EPN1: variants seen among roughly 807,000 people sequenced by gnomAD.
The protein encoded by EPN1 is epsin-1.
A neutral mutation model predicts 56.9 loss-of-function variants in EPN1; 25 were observed. The ratio of observed to expected loss-of-function variants is 0.44; its 90% CI spans 0.32 to 0.61. The LOEUF is 0.61. EPN1 is among the 20% of genes least tolerant of loss of function. The pLI is 0.05. For synonymous variants in EPN1, 411 were observed against 361.8 expected (o/e 1.14, Z -1.54); for missense variants, 785 against 823.7 (o/e 0.95, Z 0.58).
In EPN1 at chr19:55,709,220, T is replaced by C. The variant is rs1987595889; in HGVS notation, c.*13864T>C. On this transcript the variant is annotated 3_prime_UTR_variant, in exon 11 of 11. Transcript: ENST00000270460. ...TCTTTCCTATAGGATAGGAAGCCTC[T>C]GATTTATACCATAAAGTGAAATTTC... 1 of 435,246 alleles carries C rather than the reference T, an allele frequency of 2.3e-6. No individual in the cohort carries two copies. Among genetic ancestry groups the C allele is most frequent in the African/African-American group, 2.1e-5 (1 of 48,522 alleles). 27.0% of individuals were successfully genotyped at this position (435,246 alleles called of 1,614,324 possible).
rs1408095786 is a variant in EPN1, at chr19:55,677,908, T to C, written c.-101-619T>C. Among the ~76,000 whole-genome samples, 3 of 152,248 alleles carry C rather than the reference T, an allele frequency of 2.0e-5. No homozygotes were observed. The East Asian group carries it at 5.8e-4, about 29-fold the overall frequency. On this transcript the variant is annotated intron_variant, in intron 1 of 10. Coordinates refer to ENST00000270460, the MANE Select transcript of EPN1 (RefSeq NM_001130072.2). Reference sequence around the variant, plus strand: ...TACTGAATGGTTTTTCTGGGCCAGCTTCTTTGCTGGGAAAAGCCACATGCA... The same window carrying C: ...TACTGAATGGTTTTTCTGGGCCAGCCTCTTTGCTGGGAAAAGCCACATGCA...
At position 55,709,531 on chromosome 19, in the gene EPN1, A is replaced by C. The variant is rs1987616778; in HGVS notation, c.*14175A>C. On this transcript the variant is annotated 3_prime_UTR_variant, in exon 11 of 11. Transcript: ENST00000270460. Reference sequence around the variant, plus strand: ...TAATTAAAGCACATGCTACACCCATAAATATGTCAAACGTTCTTGTCTGTT... The same window carrying C: ...TAATTAAAGCACATGCTACACCCATCAATATGTCAAACGTTCTTGTCTGTT... The C allele has an allele frequency of 6.6e-6, 1 of 152,290 alleles. No homozygotes were observed. Among genetic ancestry groups the C allele is most frequent in the Non-Finnish European group, 1.5e-5 (1 of 68,104 alleles). The allele number at this position is 152,290 out of a possible 1,614,324, so 9.4% of individuals were successfully genotyped here. A position where few individuals can be genotyped will look rare whatever the true frequency, so the allele number is the denominator to read the frequency against.
At chr19:55,687,047 C>T (rs1333852494) in intron 3 of EPN1, among the ~76,000 whole-genome samples, 1 of 152,166 alleles carries the variant, frequency 6.6e-6, no homozygotes, top group Non-Finnish European at 1.5e-5. Context: ...CCCTCCGACA[C>T]TCACCAAGGT....
At chr19:55,692,468 C>T (rs1055279975) in intron 7 of EPN1, among the ~76,000 whole-genome samples, 14 of 142,474 alleles carry the variant, frequency 9.8e-5, no homozygotes, top group Non-Finnish European at 1.2e-4. Context: ...GCAGAGGCTG[C>T]GGGGAAGCCC....
chr19:55,682,406 C>T (rs745586557), intron 2 of EPN1, among the ~76,000 whole-genome samples: 2 of 151,850 alleles, frequency 1.3e-5, no homozygotes, highest in Non-Finnish European at 2.9e-5. Context: ...CAAGGTTGAC[C>T]GTGCTGTTGC....
rs1173500642 is a variant in EPN1, at chr19:55,694,836, G to T, written c.1375G>T (p.Ala459Ser). Reference sequence around the variant, plus strand: ...GGCTGTGGGCAGCCCCCCACCTGCAGCCACACCAACTCCCACGCCCCCCAC... The same window carrying T: ...GGCTGTGGGCAGCCCCCCACCTGCATCCACACCAACTCCCACGCCCCCCAC... ...AEAVGSPPPAATPTPTPPTRK... is the reference protein window; with the variant it reads ...AEAVGSPPPASTPTPTPPTRK... The change falls in exon 10 of 11, where the codon GCC becomes TCC. Residue 459 changes from alanine (A) to serine (S), a missense_variant. Physicochemically the swap from Ala to Ser is moderately conservative, Grantham distance 99. Coordinates refer to ENST00000270460, the MANE Select transcript of EPN1 (RefSeq NM_001130072.2). The surrounding 1 kb of genome is among the most constrained non-coding windows in gnomAD (Gnocchi z 4.2). 1 of 1,610,376 alleles carries T rather than the reference G, an allele frequency of 6.2e-7. No individual in the cohort carries two copies. The highest frequency in any genetic ancestry group is 1.1e-5 in the South Asian group (1 of 90,408).
chr19:55,681,827 A>G (rs1000316040), intron 2 of EPN1, among the ~76,000 whole-genome samples: 2 of 151,768 alleles, frequency 1.3e-5, no homozygotes, highest in African/African-American at 4.8e-5. Flanking sequence ...ACTTTTTTAG[A>G]GACAAAGTGT....
At position 55,689,189 on chromosome 19, in the gene EPN1, T is replaced by G. The variant is rs1986369007; in HGVS notation, c.604-108T>G. On this transcript the variant is annotated intron_variant, in intron 4 of 10. Coordinates refer to ENST00000270460, the MANE Select transcript of EPN1 (RefSeq NM_001130072.2). This position sits in a 1 kb window ranked among gnomAD's most constrained non-coding sequence, Gnocchi z 5.7. The stretch of plus-strand genomic sequence containing the variant: ...CACTCTCTGCCTGTCCCTCACTGGT[T>G]CAGGGACCCCCAGCCCTCTCTTTCT... 1 of 1,138,346 alleles carries G rather than the reference T, an allele frequency of 8.8e-7. No homozygotes were observed. The highest frequency in any genetic ancestry group is 1.5e-5 in the African/African-American group (1 of 65,100). 70.5% of individuals were successfully genotyped at this position (1,138,346 alleles called of 1,614,324 possible).
Position 55,691,875 on chromosome 19 carries a change from C to T in EPN1, c.884C>T (p.Pro295Leu). 6.2e-7 allele frequency: 1 copy of T among 1,602,812 alleles called. No homozygotes were observed. The highest frequency in any genetic ancestry group is 8.5e-7 in the Non-Finnish European group (1 of 1,174,318). ...CCCACGGCTGCCCCCACCTCGGACCCCTGGGGCGGCCCCCCTGTCCCTCCA... is the reference window on the plus strand; with the variant it reads ...CCCACGGCTGCCCCCACCTCGGACCTCTGGGGCGGCCCCCCTGTCCCTCCA... ...AVPTAAPTSD[P>L]WGGPPVPPAA... is the part of the protein sequence containing the mutation. Residue 295 changes from proline (P) to leucine (L), a missense_variant, in exon 7 of 11, where the codon CCC becomes CTC. Around this residue, in one of 2 missense-constraint regions of EPN1, gnomAD observed 650 missense variants for 605.0 expected, o/e 1.07. Coordinates refer to ENST00000270460, the MANE Select transcript of EPN1 (RefSeq NM_001130072.2). The surrounding 1 kb of genome is among the most constrained non-coding windows in gnomAD (Gnocchi z 5.6).
At chr19:55,679,952 G>A (rs1985700176) in intron 2 of EPN1, among the ~76,000 whole-genome samples, 1 of 152,196 alleles carries the variant, frequency 6.6e-6, no homozygotes, top group African/African-American at 2.4e-5. Context: ...TGTGCAGAGG[G>A]GATGAATCCA....
Position 55,689,798 on chromosome 19 carries a change from C to G in EPN1, c.679-69C>G. On this transcript the variant is annotated intron_variant, in intron 5 of 10. Transcript: ENST00000270460. This position sits in a 1 kb window ranked among gnomAD's most constrained non-coding sequence, Gnocchi z 5.7. ...GGGTGGGAGGGGTTGCTGGGGCTTC[C>G]AGGCTGAGGTGGCATCTGCCCGTGG... is the stretch of plus-strand genomic sequence containing the variant. 1.4e-6 allele frequency: 2 copies of G among 1,460,188 alleles called. No homozygotes were observed. The highest frequency in any genetic ancestry group is 1.9e-6 in the Non-Finnish European group (2 of 1,065,234). 90.5% of individuals were successfully genotyped at this position (1,460,188 alleles called of 1,614,324 possible). A position where few individuals can be genotyped will look rare whatever the true frequency, so the allele number is the denominator to read the frequency against.
In EPN1 at chr19:55,688,884, G is replaced by A. The variant is rs1170037379; in HGVS notation, c.493G>A (p.Val165Met). ...AQTATASSAA[V>M]GSGPPPEAEQ... ...CCGCCCTCCAGCCTCATCAGCAGCT[G>A]TGGGCTCAGGCCCCCCTCCCGAGGC... The change falls in exon 4 of 11, where the codon GTG becomes ATG. Residue 165 changes from valine (V) to methionine (M), a missense_variant. Val to Met is a conservative substitution (Grantham distance 21). Around this residue, in one of 2 missense-constraint regions of EPN1, gnomAD observed 650 missense variants for 605.0 expected, o/e 1.07. Transcript: ENST00000270460. 6.3e-7 allele frequency: 1 copy of A among 1,578,668 alleles called. No individual in the cohort carries two copies. The highest frequency in any genetic ancestry group is 8.6e-7 in the Non-Finnish European group (1 of 1,162,572).
chr19:55,688,861 G>T lies in EPN1; in HGVS notation c.479-9G>T. ...TCTGGGTCTCACGCGTTTCTCACCCGCCCTCCAGCCTCATCAGCAGCTGTG... is the reference window on the plus strand; with the variant it reads ...TCTGGGTCTCACGCGTTTCTCACCCTCCCTCCAGCCTCATCAGCAGCTGTG... On this transcript the variant is annotated splice_polypyrimidine_tract_variant and intron_variant, in intron 3 of 10. Transcript: ENST00000270460. 6.4e-7 allele frequency: 1 copy of T among 1,573,320 alleles called. No homozygotes were observed. The highest frequency in any genetic ancestry group is 8.6e-7 in the Non-Finnish European group (1 of 1,159,808).
chr19:55,692,765 A>G lies in EPN1; in HGVS notation c.1146A>G (p.Ser382=). 6.3e-7 allele frequency: 1 copy of G among 1,590,944 alleles called. No homozygotes were observed. The highest frequency in any genetic ancestry group is 1.3e-5 in the African/African-American group (1 of 74,500). Reference sequence around the variant, plus strand: ...CCTTCTCAGATCCCTGGGGAGGGTCACCTGCCAAGCCCAGCACCAATGGCA... The same window carrying G: ...CCTTCTCAGATCCCTGGGGAGGGTCGCCTGCCAAGCCCAGCACCAATGGCA... ...APAFSDPWGG[S]PAKPSTNGTT... Residue 382 remains serine, a synonymous_variant, in exon 8 of 11, where the codon TCA becomes TCG. Coordinates refer to ENST00000270460, the MANE Select transcript of EPN1 (RefSeq NM_001130072.2).
rs1252570953 is a variant in EPN1, at chr19:55,705,407, G to A, written c.*10051G>A. On this transcript the variant is annotated 3_prime_UTR_variant, in exon 11 of 11. Transcript: ENST00000270460. ...GTGAGCCTGTAATTCCAGCAGTTTG[G>A]GAGGCCGGGGCGAATGGATGACTTG... The A allele has an allele frequency of 6.6e-6, 1 of 152,224 alleles. No homozygotes were observed. Among genetic ancestry groups the A allele is most frequent in the East Asian group, 1.9e-4 (1 of 5,190 alleles). The allele number at this position is 152,224 out of a possible 1,614,324, so 9.4% of individuals were successfully genotyped here.
At position 55,709,441 on chromosome 19, in the gene EPN1, C is replaced by T. The variant is rs564042439; in HGVS notation, c.*14085C>T. On this transcript the variant is annotated 3_prime_UTR_variant, in exon 11 of 11. Coordinates refer to ENST00000270460, the MANE Select transcript of EPN1 (RefSeq NM_001130072.2). ...TAATATAATGAATTCATGTACCCAT[C>T]ACCAACTTCTACAATTACCAATATT... 6.5e-6 allele frequency: 1 copy of T among 152,864 alleles called. No individual in the cohort carries two copies. The highest frequency in any genetic ancestry group is 1.5e-5 in the Non-Finnish European group (1 of 68,684). The allele number at this position is 152,864 out of a possible 1,614,324, so 9.5% of individuals were successfully genotyped here. A position where few individuals can be genotyped will look rare whatever the true frequency, so the allele number is the denominator to read the frequency against.
rs36068544 is a variant in EPN1 at position 55,709,381 on chromosome 19, T to TAA, written c.*14036_*14037dup. The TAA allele has an allele frequency of 4.0e-5, 6 of 151,574 alleles. No homozygotes were observed. Among genetic ancestry groups the TAA allele is most frequent in the Non-Finnish European group, 7.2e-5 (5 of 69,138 alleles). 9.4% of individuals were successfully genotyped at this position (151,574 alleles called of 1,614,324 possible). On this transcript the variant is annotated 3_prime_UTR_variant, in exon 11 of 11. Coordinates refer to ENST00000270460, the MANE Select transcript of EPN1 (RefSeq NM_001130072.2). ...TATTGCTTCTTATAATGTGCTTGCTTAAAAAAAAAAAACATGAGCTTTTCT... is the reference window on the plus strand; with the variant it reads ...TATTGCTTCTTATAATGTGCTTGCTTAAAAAAAAAAAAAACATGAGCTTTTCT...
At chr19:55,677,522 G>T in intron 1 of EPN1, 1 of 1,344,456 alleles carries the variant, frequency 7.4e-7, no homozygotes, top group South Asian at 1.3e-5. Context: ...CCTGGTGTGT[G>T]ACCTTGGTTG....
chr19:55,686,424 G>C (rs1044441906), intron 3 of EPN1, among the ~76,000 whole-genome samples: 1 of 152,158 alleles, frequency 6.6e-6, no homozygotes, highest in East Asian at 1.9e-4. Flanking sequence ...GTGGGGATAC[G>C]TGGGATGGGG....
Sources: allele counts gnomAD v4.1 joint callset (sites outside exome capture counted in the v4.1 genomes callset), GRCh38; gene constraint gnomAD v4.1.1; regional missense constraint gnomAD v4.1.1; non-coding constraint Gnocchi (gnomAD v3.1); transcripts MANE v1.5; gene names NCBI Gene and HGNC (gene_info 2026-07-23, HGNC 2026-07-21).